Variants in ALCAM observed in about 807,000 individuals in gnomAD.
ALCAM encodes the protein CD166 antigen.
ALCAM carries 30 observed loss-of-function variants against 70.9 expected under a neutral mutation model. The ratio of observed to expected loss-of-function variants is 0.42; its 90% CI spans 0.32 to 0.57. The LOEUF (loss-of-function observed/expected upper bound fraction) is 0.57, where lower values mean the gene tolerates loss of function less well. Among genes scored for constraint, ALCAM ranks in the 20% least tolerant of loss-of-function variants. ALCAM has a pLI of 0.11. For synonymous variants in ALCAM, 249 were observed against 242.5 expected, an observed-to-expected ratio of 1.03 and a Z score of -0.25; for missense variants, 591 against 695.1, an observed-to-expected ratio of 0.85 and a Z score of 1.68.
chr3:105,509,077 G>T (rs905197182), intron 1 of ALCAM, among the ~76,000 whole-genome samples: 3 of 152,006 alleles, frequency 2.0e-5, no homozygotes, highest in African/African-American at 7.2e-5. Context: ...ATATTTTATT[G>T]TGTTTGTATC....
At chr3:105,552,444 A>G (rs1940432438) in intron 13 of ALCAM, 24 bp from the exon 14 acceptor site, 6 of 1,603,896 alleles carry the variant, frequency 3.7e-6, no homozygotes, top group Non-Finnish European at 5.1e-6. Context: ...CTGTAATTGC[A>G]TGGACTTTTC....
intron 1 of ALCAM, among the ~76,000 whole-genome samples, chr3:105,488,742 G>A (rs1002802027): frequency 5.3e-5 from 8 of 150,778 alleles, no homozygotes; most frequent in African/African-American, 2.0e-4. Flanking sequence ...AGGGAGGGGA[G>A]GAAGGAGGGA....
At chr3:105,521,696 C>T (rs1484615881) in intron 2 of ALCAM, among the ~76,000 whole-genome samples, 1 of 152,094 alleles carries the variant, frequency 6.6e-6, no homozygotes, top group African/African-American at 2.4e-5. Flanking sequence ...AAAATACTTA[C>T]CTAGTACTTG....
chr3:105,441,547 T>C (rs1480863453), intron 1 of ALCAM, among the ~76,000 whole-genome samples: 2 of 152,196 alleles, frequency 1.3e-5, no homozygotes, highest in Non-Finnish European at 2.9e-5. Flanking sequence ...CTGTAAATCA[T>C]CAGTAATGTG....
At chr3:105,529,816 A>T (rs192716376) in intron 3 of ALCAM, among the ~76,000 whole-genome samples, 2 of 152,254 alleles carry the variant, frequency 1.3e-5, no homozygotes, top group East Asian at 3.9e-4. Context: ...GGGTGCATTG[A>T]TAAAACATTA....
At chr3:105,498,264 G>A (rs952892841) in intron 1 of ALCAM, among the ~76,000 whole-genome samples, 1 of 152,044 alleles carries the variant, frequency 6.6e-6, no homozygotes, top group Non-Finnish European at 1.5e-5. Context: ...TCAAATTGCT[G>A]GGTTTTTTCC....
intron 3 of ALCAM, among the ~76,000 whole-genome samples, chr3:105,527,166 G>A (rs944623704): frequency 6.6e-6 from 1 of 152,114 alleles, no homozygotes; most frequent in African/African-American, 2.4e-5. Flanking sequence ...AAATCAAACT[G>A]TGTTTTTATT....
intron 11 of ALCAM, 46 bp downstream of exon 11, chr3:105,547,569 T>A (rs749635635): frequency 7.9e-7 from 1 of 1,262,388 alleles, no homozygotes; most frequent in Non-Finnish European, 1.1e-6. Context: ...GTCCAATGCG[T>A]TTTTTTTCCT....
intron 1 of ALCAM, among the ~76,000 whole-genome samples, chr3:105,394,625 A>C (rs575199252): frequency 1.1e-4 from 16 of 152,114 alleles, no homozygotes; most frequent in African/African-American, 3.9e-4. Context: ...CAGGACATGT[A>C]ATATATTCCA....
chr3:105,507,245 T>C (rs1206786932), intron 1 of ALCAM, among the ~76,000 whole-genome samples: 1 of 152,162 alleles, frequency 6.6e-6, no homozygotes, highest in Non-Finnish European at 1.5e-5. Flanking sequence ...GGTACATTTG[T>C]TGCAATTGGT....
At chr3:105,429,009 A>G (rs1030464000) in intron 1 of ALCAM, among the ~76,000 whole-genome samples, 7 of 151,994 alleles carry the variant, frequency 4.6e-5, no homozygotes, top group African/African-American at 9.7e-5. Context: ...AAATCAAACA[A>G]TGTGATTCAT....
intron 1 of ALCAM, among the ~76,000 whole-genome samples, chr3:105,454,533 G>C (rs922359309): frequency 6.6e-6 from 1 of 151,992 alleles, no homozygotes; most frequent in East Asian, 1.9e-4. Flanking sequence ...ACCCTGAGTC[G>C]GTCTGCCTGT....
intron 1 of ALCAM, among the ~76,000 whole-genome samples, chr3:105,424,455 G>A (rs1936742400): frequency 6.6e-6 from 1 of 151,634 alleles, no homozygotes; most frequent in African/African-American, 2.4e-5. Flanking sequence ...AATATTGTGA[G>A]CATAAGCATA....
intron 1 of ALCAM, among the ~76,000 whole-genome samples, chr3:105,415,845 A>G (rs999868283): frequency 6.6e-6 from 1 of 152,098 alleles, no homozygotes; most frequent in Non-Finnish European, 1.5e-5. Context: ...GTCATGCTAT[A>G]TGTAGCTTGT....
chr3:105,507,998 A>T (rs756632238), intron 1 of ALCAM, among the ~76,000 whole-genome samples: 3 of 152,050 alleles, frequency 2.0e-5, no homozygotes, highest in Non-Finnish European at 2.9e-5. Flanking sequence ...CTGGTTCCTG[A>T]TCTGAAAGAT....
At chr3:105,519,513 A>C (rs1036253006) in intron 1 of ALCAM, among the ~76,000 whole-genome samples, 11 of 152,110 alleles carry the variant, frequency 7.2e-5, no homozygotes, top group African/African-American at 2.7e-4. Context: ...ATACTACTAC[A>C]AAATAAGCCA....
intron 1 of ALCAM, among the ~76,000 whole-genome samples, chr3:105,445,556 A>G (rs181179609): frequency 2.0e-5 from 3 of 152,344 alleles, no homozygotes; most frequent in South Asian, 2.1e-4. Context: ...ATCTGGAGGC[A>G]TCACACCACC....
intron 1 of ALCAM, among the ~76,000 whole-genome samples, chr3:105,380,760 T>C (rs1051132043): frequency 6.6e-6 from 1 of 151,886 alleles, no homozygotes; most frequent in African/African-American, 2.4e-5. Flanking sequence ...AATTCTCTGG[T>C]ATATTTAAGA....
intron 1 of ALCAM, among the ~76,000 whole-genome samples, chr3:105,381,518 GT>G (rs1935520477): frequency 6.6e-6 from 1 of 151,944 alleles, no homozygotes; most frequent in African/African-American, 2.4e-5. Context: ...TTATGTCATA[GT>G]TCCCATCTGT....
Sources: allele counts gnomAD v4.1 joint callset (sites outside exome capture counted in the v4.1 genomes callset), GRCh38; gene constraint gnomAD v4.1.1; transcripts MANE v1.5; gene names NCBI Gene and HGNC (gene_info 2026-07-23, HGNC 2026-07-21).